The following ICA1 variants were observed in gnomAD, a reference collection of about 807,000 sequenced individuals.
ICA1 encodes the protein islet cell autoantigen 1.
Under a neutral mutation model 71.0 loss-of-function variants are expected in ICA1, and 40 were observed. The observed-to-expected ratio is 0.56, with a 90% confidence interval of 0.44 to 0.73. The LOEUF (loss-of-function observed/expected upper bound fraction) is 0.73. ICA1 is among the 30% of genes least tolerant of loss of function. The probability of loss-of-function intolerance (pLI) is 0.00; values close to 1 mark genes in which losing one functional copy is unlikely to be tolerated. For missense variants in ICA1, 578 were observed against 576.5 expected (o/e 1.00, Z -0.03); for synonymous variants, 207 against 209.5 (o/e 0.99, Z 0.10).
chr7:8,206,355 T>G (rs1472365533), intron 6 of ICA1, among the ~76,000 whole-genome samples: 2 of 152,158 alleles, frequency 1.3e-5, no homozygotes, highest in Non-Finnish European at 2.9e-5. Flanking sequence ...TCCATCCAGC[T>G]GCCCACTTGA....
Position 8,240,220 on chromosome 7 carries a change from C to G in ICA1, c.-79-4215G>C, listed in dbSNP as rs1030423347. On this transcript the variant is annotated intron_variant, in intron 1 of 13. Transcript: ENST00000402384. Reference sequence around the variant, plus strand: ...AGGAAGGATCAGGCAGCAATATTTGCTGTTCTGCAATATTTGCTATTCTGC... The same window carrying G: ...AGGAAGGATCAGGCAGCAATATTTGGTGTTCTGCAATATTTGCTATTCTGC... Among the ~76,000 whole-genome samples, 6 of 152,148 alleles carry G rather than the reference C, an allele frequency of 3.9e-5. 1 individual carries two copies. The South Asian group carries it at 8.3e-4, about 21-fold the overall frequency.
rs757819272 is a variant in ICA1, at chr7:8,228,602, A to C, written c.255T>G (p.Cys85Trp). Residue 85 changes from cysteine to tryptophan, a missense_variant and splice_region_variant, in exon 4 of 14, where the codon TGT (cysteine) becomes TGG (tryptophan). Cys to Trp is a radical substitution (Grantham distance 215). Transcript: ENST00000402384. ...KAIVLYQKRI[C>W]FLSQEENELG... ...TATTCATACTGATGTCATACTTACAACATATCCTCTTTTGATAGAGTACAA... is the reference window on the plus strand; with the variant it reads ...TATTCATACTGATGTCATACTTACACCATATCCTCTTTTGATAGAGTACAA... 2 of 1,573,146 alleles carry C rather than the reference A, an allele frequency of 1.3e-6. No homozygotes were observed. The highest frequency in any genetic ancestry group is 2.7e-5 in the African/African-American group (2 of 73,918).
intron 6 of ICA1, among the ~76,000 whole-genome samples, chr7:8,186,381 T>C (rs1783921771): frequency 1.3e-5 from 2 of 152,130 alleles, no homozygotes; most frequent in South Asian, 4.1e-4. Context: ...GAATACAGTA[T>C]TGGACCTAGG....
intron 1 of ICA1, among the ~76,000 whole-genome samples, chr7:8,256,587 C>T (rs1276521078): frequency 1.3e-5 from 2 of 152,190 alleles, no homozygotes; most frequent in African/African-American, 4.8e-5. Context: ...AACTCAACAT[C>T]TCGTCTCTAT....
chr7:8,214,364 A>C (rs1324773392), intron 6 of ICA1, among the ~76,000 whole-genome samples: 1 of 152,230 alleles, frequency 6.6e-6, no homozygotes, highest in Non-Finnish European at 1.5e-5. Flanking sequence ...TCTGCCTTCA[A>C]AGAGCACATA....
At chr7:8,214,100 C>T (rs752112423) in intron 6 of ICA1, among the ~76,000 whole-genome samples, 2 of 152,202 alleles carry the variant, frequency 1.3e-5, no homozygotes, top group African/African-American at 2.4e-5. Context: ...TAAATGCCCA[C>T]GTATACATTT....
At chr7:8,261,972 C>G (rs1812661341) in intron 1 of ICA1, 122 bp downstream of exon 1, 1 of 152,356 alleles carries the variant, frequency 6.6e-6, no homozygotes, top group Non-Finnish European at 1.5e-5. Context: ...ACGCGCCGCC[C>G]GCGGAGGGCA....
At chr7:8,136,359 C>G (rs1387383954) in intron 12 of ICA1, among the ~76,000 whole-genome samples, 1 of 152,180 alleles carries the variant, frequency 6.6e-6, no homozygotes, top group Non-Finnish European at 1.5e-5. Context: ...CTTTTTATTT[C>G]TTGACTGTTT....
chr7:8,130,164 G>A lies in ICA1; in HGVS notation c.1061-2022C>T, dbSNP rs955348460. On this transcript the variant is annotated intron_variant, in intron 12 of 13. Coordinates refer to ENST00000402384, the MANE Select transcript of ICA1 (RefSeq NM_001136020.3). The surrounding 1 kb of genome is among the most constrained non-coding windows in gnomAD (Gnocchi z 4.2). ...GCTAGTGCCGCAATAAACATACGTG[G>A]GCATGTGTCTTTATAGCAGCATGAT... 1.3e-5 allele frequency among the ~76,000 whole-genome samples: 2 copies of A among 152,158 alleles called. No individual in the cohort carries two copies. The highest frequency in any genetic ancestry group is 2.9e-5 in the Non-Finnish European group (2 of 68,032).
chr7:8,121,154 G>C (rs1472301238), intron 13 of ICA1, among the ~76,000 whole-genome samples: 1 of 152,224 alleles, frequency 6.6e-6, no homozygotes, highest in East Asian at 1.9e-4. Context: ...GAATCTGGGA[G>C]TTTGTAAGCT....
intron 2 of ICA1, among the ~76,000 whole-genome samples, chr7:8,233,247 C>A (rs910671407): frequency 4.6e-5 from 7 of 152,160 alleles, no homozygotes; most frequent in African/African-American, 1.7e-4. Flanking sequence ...TAGTCAAACT[C>A]ACAGAAGCAG....
chr7:8,261,375 T>A (rs931371637), intron 1 of ICA1, among the ~76,000 whole-genome samples: 1 of 152,110 alleles, frequency 6.6e-6, no homozygotes, highest in African/African-American at 2.4e-5. Flanking sequence ...TGTTCGTTTC[T>A]AGAGGAAGCA....
intron 1 of ICA1, among the ~76,000 whole-genome samples, chr7:8,257,820 A>T (rs753158531): frequency 9.9e-5 from 15 of 152,202 alleles, no homozygotes; most frequent in Non-Finnish European, 2.1e-4. Context: ...AATCCTCCTG[A>T]ATCACAGATG....
At chr7:8,114,094 C>T in intron 13 of ICA1, 50 bp from the exon 14 acceptor site, 10 of 1,611,008 alleles carry the variant, frequency 6.2e-6, no homozygotes, top group Non-Finnish European at 8.5e-6. Flanking sequence ...AAATGTCCAC[C>T]TCTGCCATGC....
chr7:8,256,785 A>G (rs1428520710), intron 1 of ICA1, among the ~76,000 whole-genome samples: 1 of 152,230 alleles, frequency 6.6e-6, no homozygotes, highest in African/African-American at 2.4e-5. Flanking sequence ...AGCACCAAGC[A>G]TGGCCCCTGG....
Position 8,235,909 on chromosome 7 carries a change from C to A in ICA1, c.17+1G>T. The A allele has an allele frequency of 6.2e-7, 1 of 1,612,996 alleles. No homozygotes were observed. Reference sequence around the variant, plus strand: ...TTCAGAAAAGATGACAAATTACTTACCATTTGTGTCCTGACATGTTTTCTT... The same window carrying A: ...TTCAGAAAAGATGACAAATTACTTAACATTTGTGTCCTGACATGTTTTCTT... On this transcript the variant is annotated splice_donor_variant, in intron 2 of 13. Coordinates refer to ENST00000402384, the MANE Select transcript of ICA1 (RefSeq NM_001136020.3). LOFTEE classifies it high-confidence loss of function.
intron 1 of ICA1, among the ~76,000 whole-genome samples, chr7:8,257,913 A>T (rs1810785347): frequency 1.3e-5 from 2 of 152,236 alleles, no homozygotes; most frequent in South Asian, 4.1e-4. Flanking sequence ...TTGTATTAGC[A>T]TTCTCTCCCT....
At chr7:8,162,826 C>T (rs1357171685) in intron 6 of ICA1, among the ~76,000 whole-genome samples, 4 of 152,156 alleles carry the variant, frequency 2.6e-5, no homozygotes, top group South Asian at 2.1e-4. Context: ...TGCAGTGGTG[C>T]GATCTTGGCT....
chr7:8,238,441 A>T (rs1312249630), intron 1 of ICA1, among the ~76,000 whole-genome samples: 1 of 152,138 alleles, frequency 6.6e-6, no homozygotes, highest in Admixed American at 6.5e-5. Context: ...CTTTGGAGAA[A>T]TGTCTATGCA....
Sources: gnomAD v4.1 joint callset for allele counts (sites outside exome capture counted in the v4.1 genomes callset) on GRCh38, gnomAD v4.1.1 for gene constraint, Gnocchi (gnomAD v3.1) non-coding constraint, MANE v1.5 for transcripts, NCBI Gene and HGNC (gene_info 2026-07-23, HGNC 2026-07-21) for gene names.